Variants in CACNA2D3 observed in about 807,000 individuals in gnomAD.
The protein encoded by CACNA2D3 is voltage-dependent calcium channel subunit alpha-2/delta-3.
In CACNA2D3, 60 loss-of-function variants were observed where a neutral mutation model predicts 160.6. The observed-to-expected ratio is 0.37, with a 90% CI of 0.30 to 0.46. CACNA2D3 has a LOEUF of 0.46. Among genes scored for constraint, CACNA2D3 ranks in the 20% least tolerant of loss-of-function variants. CACNA2D3 has a pLI of 1.00. For synonymous variants in CACNA2D3, 558 were observed against 492.9 expected, an observed-to-expected ratio of 1.13 and a Z score of -1.75; for missense variants, 1,205 against 1,365.0, an observed-to-expected ratio of 0.88 and a Z score of 1.85.
chr3:54,729,165 C>T (rs559067350), intron 11 of CACNA2D3, among the ~76,000 whole-genome samples: 3 of 152,250 alleles, frequency 2.0e-5, no homozygotes, highest in African/African-American at 7.2e-5. Flanking sequence ...ATGTGATCCA[C>T]CCGCCTCGGC....
chr3:54,609,853 A>C (rs992667907), intron 9 of CACNA2D3, among the ~76,000 whole-genome samples: 2 of 152,140 alleles, frequency 1.3e-5, no homozygotes, highest in Middle Eastern at 3.2e-3. Flanking sequence ...TGTTGTGTAC[A>C]TTTTCTTGGA....
At chr3:54,157,546 T>G (rs952408239) in intron 2 of CACNA2D3, among the ~76,000 whole-genome samples, 2 of 152,134 alleles carry the variant, frequency 1.3e-5, no homozygotes, top group Admixed American at 6.5e-5. Context: ...ATCGCAGCAC[T>G]TTGGGAGGCC....
Position 54,265,658 on chromosome 3 carries a change from TGTATATATATA to T in CACNA2D3, c.205-54781_205-54771del, listed in dbSNP as rs1442934321. ...ATATATATAGTGTGTATATATATAG[TGTATATATATA>T]GTGTGTGTATATATATATAGTGTGG... On this transcript the variant is annotated intron_variant, in intron 2 of 37. Transcript: ENST00000474759. 3.2e-3 allele frequency among the ~76,000 whole-genome samples: 221 copies of T among 68,510 alleles called. 2 individuals carry two copies. Among genetic ancestry groups the T allele is most frequent in the African/African-American group, 8.2e-3 (174 of 21,206 alleles). 44.9% of individuals were successfully genotyped at this position (68,510 alleles called of 152,430 possible).
chr3:55,050,302 G>A (rs1485345218), intron 35 of CACNA2D3, among the ~76,000 whole-genome samples: 1 of 151,736 alleles, frequency 6.6e-6, no homozygotes, highest in Non-Finnish European at 1.5e-5. Context: ...AGGCCTGGTG[G>A]TGACAGAATC....
At chr3:55,060,472 G>T (rs1161176046) in intron 35 of CACNA2D3, among the ~76,000 whole-genome samples, 2 of 152,076 alleles carry the variant, frequency 1.3e-5, no homozygotes, top group Non-Finnish European at 2.9e-5. Context: ...TTTGAGATTT[G>T]ATGTCTTTTT....
At chr3:54,464,189 G>A (rs1402953161) in intron 4 of CACNA2D3, among the ~76,000 whole-genome samples, 2 of 152,202 alleles carry the variant, frequency 1.3e-5, no homozygotes, top group Non-Finnish European at 2.9e-5. Flanking sequence ...CTACTGGGGG[G>A]TGCCTCCTAG....
chr3:54,697,923 T>C (rs1032232393), intron 11 of CACNA2D3, among the ~76,000 whole-genome samples: 1 of 152,200 alleles, frequency 6.6e-6, no homozygotes, highest in Admixed American at 6.5e-5. Context: ...GGCATGGTAA[T>C]CTTCACTGTT....
At chr3:54,515,199 TGAGA>T (rs778355205) in intron 5 of CACNA2D3, among the ~76,000 whole-genome samples, 30 of 143,704 alleles carry the variant, frequency 2.1e-4, no homozygotes, top group South Asian at 1.4e-3. Context: ...TGTGTGTGTG[TGAGA>T]GAGAGAGAGA....
intron 25 of CACNA2D3, among the ~76,000 whole-genome samples, chr3:54,893,518 A>T (rs1209320772): frequency 6.6e-6 from 1 of 152,098 alleles, no homozygotes; most frequent in Non-Finnish European, 1.5e-5. Context: ...ATTTGTCAAG[A>T]TCCAGCTATT....
At chr3:54,945,332 C>T (rs1316524005) in intron 27 of CACNA2D3, among the ~76,000 whole-genome samples, 2 of 152,182 alleles carry the variant, frequency 1.3e-5, no homozygotes, top group African/African-American at 4.8e-5. Flanking sequence ...TCTGGCTCTC[C>T]GAGCCTTACT....
chr3:54,969,248 C>T (rs1575414053), intron 28 of CACNA2D3, among the ~76,000 whole-genome samples: 1 of 142,934 alleles, frequency 7.0e-6, no homozygotes, highest in Admixed American at 7.2e-5. Flanking sequence ...TGTTTAATGA[C>T]AACATAAAGT....
chr3:54,401,974 C>G (rs910682139), intron 4 of CACNA2D3, among the ~76,000 whole-genome samples: 1 of 152,042 alleles, frequency 6.6e-6, no homozygotes, highest in Non-Finnish European at 1.5e-5. Context: ...GACGTAAATT[C>G]TGACATCAAA....
chr3:54,679,269 G>A (rs905377619), intron 11 of CACNA2D3, among the ~76,000 whole-genome samples: 1 of 152,204 alleles, frequency 6.6e-6, no homozygotes, highest in African/African-American at 2.4e-5. Flanking sequence ...CTTTAGGGCT[G>A]CAAAGACTAG....
intron 35 of CACNA2D3, among the ~76,000 whole-genome samples, chr3:55,042,265 G>T (rs1004088371): frequency 2.6e-5 from 4 of 152,122 alleles, no homozygotes; most frequent in Admixed American, 6.6e-5. Context: ...AACTACAATT[G>T]TGGATCTACG....
intron 6 of CACNA2D3, among the ~76,000 whole-genome samples, chr3:54,565,676 G>A (rs112544754): frequency 5.3e-5 from 8 of 152,274 alleles, no homozygotes; most frequent in African/African-American, 1.4e-4. Context: ...AAATTAAATG[G>A]CCACACGTGG....
chr3:54,155,864 T>C (rs528070200), intron 2 of CACNA2D3, among the ~76,000 whole-genome samples: 6 of 152,346 alleles, frequency 3.9e-5, no homozygotes, highest in Non-Finnish European at 8.8e-5. Context: ...AAATTTTGTT[T>C]GTTTCGGAAA....
intron 2 of CACNA2D3, among the ~76,000 whole-genome samples, chr3:54,264,378 T>C (rs944773173): frequency 1.3e-5 from 2 of 152,168 alleles, no homozygotes; most frequent in African/African-American, 4.8e-5. Flanking sequence ...TCTTTGAAAA[T>C]CAGGAGACTG....
At chr3:54,468,193 G>T (rs183544011) in intron 4 of CACNA2D3, among the ~76,000 whole-genome samples, 1 of 152,334 alleles carries the variant, frequency 6.6e-6, no homozygotes, top group African/African-American at 2.4e-5. Context: ...CGAGATCAAC[G>T]TAGAAGGCGG....
chr3:54,488,890 T>G (rs1559495959), intron 4 of CACNA2D3, among the ~76,000 whole-genome samples: 1 of 151,972 alleles, frequency 6.6e-6, no homozygotes. Flanking sequence ...AGATCCCCAG[T>G]CAAGGAGTTC....
Sources: gnomAD v4.1 joint callset for allele counts (sites outside exome capture counted in the v4.1 genomes callset) on GRCh38, gnomAD v4.1.1 for gene constraint, MANE v1.5 for transcripts, NCBI Gene and HGNC (gene_info 2026-07-23, HGNC 2026-07-21) for gene names.